SPDYE4: variants seen among roughly 807,000 people sequenced by gnomAD.
SPDYE4 encodes the protein speedy/RINGO cell cycle regulator family member E4, also known as speedy protein E4.
Under a neutral mutation model 37.5 loss-of-function variants are expected in SPDYE4, and 30 were observed. The ratio of observed to expected loss-of-function variants is 0.80; its 90% CI spans 0.60 to 1.09. The LOEUF is 1.09. Ranked by LOEUF, SPDYE4 falls within the 50% of genes least tolerant of loss-of-function variation. The probability of loss-of-function intolerance (pLI) is 0.00; values close to 1 mark genes in which losing one functional copy is unlikely to be tolerated. For missense variants in SPDYE4, 300 were observed against 307.9 expected, an observed-to-expected ratio of 0.97 and a Z score of 0.19; for synonymous variants, 131 against 120.3, an observed-to-expected ratio of 1.09 and a Z score of -0.58.
chr17:8,753,281 A>ACCCCCCC, intron 5 of SPDYE4, 40 bp downstream of exon 5: 1 of 388,114 alleles, frequency 2.6e-6, no homozygotes. Flanking sequence ...AGTCCACCCC[A>ACCCCCCC]TCCCTCCCCA....
downstream of SPDYE4, among the ~76,000 whole-genome samples, chr17:8,749,517 C>T (rs565357608): frequency 1.3e-5 from 2 of 152,194 alleles, no homozygotes; most frequent in African/African-American, 2.4e-5. Flanking sequence ...CTGCCCACCT[C>T]GGCCTCCCAA....
At chr17:8,754,039 C>G (rs2086752257) in intron 4 of SPDYE4, among the ~76,000 whole-genome samples, 1 of 152,142 alleles carries the variant, frequency 6.6e-6, no homozygotes, top group Non-Finnish European at 1.5e-5. Context: ...CAAAAGGCCA[C>G]TAGAGGGCTT....
chr17:8,755,519 CAG>C lies in SPDYE4; in HGVS notation c.484_485del (p.Tyr163ProfsTer4). 6.2e-7 allele frequency: 1 copy of C among 1,611,272 alleles called. No individual in the cohort carries two copies. Among genetic ancestry groups the C allele is most frequent in the Non-Finnish European group, 8.5e-7 (1 of 1,179,324 alleles). ...CAGATGGGAAGAAGCAAACTACTCA[CAG>C]AGCCAGGAAGAAATGAATGCGTTGG... is the stretch of plus-strand genomic sequence containing the variant. ...QYQRIHFFLA[L>X]YLASDMEEDN... On this transcript the variant is annotated frameshift_variant and splice_region_variant, in exon 4 of 7. Coordinates refer to ENST00000689094, the MANE Select transcript of SPDYE4 (RefSeq NM_001394956.1). LOFTEE classifies it high-confidence loss of function.
In SPDYE4 at chr17:8,751,120, ACTCTAGGTCATAACAGT is replaced by A. The variant is rs2086725562; in HGVS notation, c.*1145_*1161del. On this transcript the variant is annotated 3_prime_UTR_variant, in exon 7 of 7. Coordinates refer to ENST00000689094, the MANE Select transcript of SPDYE4 (RefSeq NM_001394956.1). ...AATAGAATAGATATATTATGTAACT[ACTCTAGGTCATAACAGT>A]GCTCCCTTCAGCAGCACATGTAATA... Among the ~76,000 whole-genome samples, 1 of 152,226 alleles carries A rather than the reference ACTCTAGGTCATAACAGT, an allele frequency of 6.6e-6. No individual in the cohort carries two copies. Among genetic ancestry groups the A allele is most frequent in the Admixed American group, 6.5e-5 (1 of 15,286 alleles).
rs866275274 is a variant in SPDYE4, at chr17:8,751,262, A to G, written c.*1020T>C. Among the ~76,000 whole-genome samples the G allele has an allele frequency of 7.9e-5, 12 of 152,214 alleles. No individual in the cohort carries two copies. The highest frequency in any genetic ancestry group is 1.3e-4 in the Non-Finnish European group (9 of 68,034). On this transcript the variant is annotated 3_prime_UTR_variant, in exon 7 of 7. Coordinates refer to ENST00000689094, the MANE Select transcript of SPDYE4 (RefSeq NM_001394956.1). ...TCTATGTGTATATAACAGGTGTAACACCCATCACACAACTTCATAAGAACA... is the reference window on the plus strand; with the variant it reads ...TCTATGTGTATATAACAGGTGTAACGCCCATCACACAACTTCATAAGAACA...
Position 8,758,300 on chromosome 17 carries a change from A to G in SPDYE4, c.83T>C (p.Val28Ala), listed in dbSNP as rs2086791643. Residue 28 changes from valine (V) to alanine (A), a missense_variant, in exon 1 of 7, where the codon GTG becomes GCG. Transcript: ENST00000689094. ...STTVRSPEVV[V>A]DDEVPGPSAP... The stretch of plus-strand genomic sequence containing the variant: ...TGATGGTCCTGGCACTTCATCATCC[A>G]CCACCACCTCGGGGGACCGTACCGT... 1 of 1,546,056 alleles carries G rather than the reference A, an allele frequency of 6.5e-7. No individual in the cohort carries two copies. Among genetic ancestry groups the G allele is most frequent in the Non-Finnish European group, 8.7e-7 (1 of 1,144,656 alleles).
chr17:8,755,456 T>A (rs1360324704), intron 4 of SPDYE4, 64 bp downstream of exon 4: 1 of 1,544,358 alleles, frequency 6.5e-7, no homozygotes, highest in African/African-American at 1.4e-5. Context: ...AAGGTTGGAA[T>A]CCCACTTCGT....
chr17:8,753,275 C>G (rs761629081), intron 5 of SPDYE4, 46 bp downstream of exon 5: 4 of 1,559,014 alleles, frequency 2.6e-6, no homozygotes, highest in Non-Finnish European at 3.5e-6. Context: ...GCCTCCAGTC[C>G]ACCCCATCCC....
intron 1 of SPDYE4, among the ~76,000 whole-genome samples, chr17:8,758,019 G>T (rs1293525532): frequency 6.6e-6 from 1 of 152,044 alleles, no homozygotes; most frequent in African/African-American, 2.4e-5. Context: ...CTGACCTCGT[G>T]ATCCGTCCGC....
At chr17:8,756,097 G>T (rs547238405) in intron 3 of SPDYE4, among the ~76,000 whole-genome samples, 1 of 152,132 alleles carries the variant, frequency 6.6e-6, no homozygotes, top group East Asian at 1.9e-4. Context: ...CTCACGCCTG[G>T]AGTCCCAGCT....
At chr17:8,754,791 C>T (rs896012692) in intron 4 of SPDYE4, among the ~76,000 whole-genome samples, 1 of 152,126 alleles carries the variant, frequency 6.6e-6, no homozygotes. Context: ...AGGAATGGGT[C>T]ATTCCCTTCA....
In SPDYE4 at chr17:8,755,568, G is replaced by C. The variant is rs745594798; in HGVS notation, c.437C>G (p.Ala146Gly). 1.9e-6 allele frequency: 3 copies of C among 1,612,406 alleles called. No individual in the cohort carries two copies. Among genetic ancestry groups the C allele is most frequent in the Non-Finnish European group, 2.5e-6 (3 of 1,179,574 alleles). Residue 146 changes from alanine (A) to glycine (G), a missense_variant, in exon 4 of 7, where the codon GCC becomes GGC. Ala to Gly is a moderately conservative substitution (Grantham distance 60, BLOSUM62 0). Coordinates refer to ENST00000689094, the MANE Select transcript of SPDYE4 (RefSeq NM_001394956.1). Reference protein sequence around the residue: ...LAMVIAYFSRAGLFSWQYQRI... With the variant: ...LAMVIAYFSRGGLFSWQYQRI... ...TTGGTATTGCCACGAGAAGAGGCCG[G>C]CACGGCTAAAATACGCTATGACCAT...
In SPDYE4 at chr17:8,756,148, G is replaced by A. The variant is rs183556478; in HGVS notation, c.399+230C>T. 6.6e-3 allele frequency among the ~76,000 whole-genome samples: 1,002 copies of A among 152,282 alleles called. 7 individuals carry two copies. The highest frequency in any genetic ancestry group is 0.065 in the Middle Eastern group (19 of 294). On this transcript the variant is annotated intron_variant, in intron 3 of 6. Coordinates refer to ENST00000689094, the MANE Select transcript of SPDYE4 (RefSeq NM_001394956.1). ...GCGGGAGGATCACTTGAGCCCAGGAGGCTGAGGCTGCAGTGAGCTATGATG... is the reference window on the plus strand; with the variant it reads ...GCGGGAGGATCACTTGAGCCCAGGAAGCTGAGGCTGCAGTGAGCTATGATG...
Position 8,753,618 on chromosome 17 carries a change from C to T in SPDYE4, c.486-129G>A, listed in dbSNP as rs201401384. 3.8e-4 allele frequency: 430 copies of T among 1,128,100 alleles called. 2 individuals are homozygous for T. In the East Asian group the frequency reaches 9.8e-3, roughly 26 times the overall value. 69.9% of individuals were successfully genotyped at this position (1,128,100 alleles called of 1,614,324 possible). ...CACCAACAGCCGCCCTGCAGAGAGC[C>T]CTGCCTTCCTCAGGAGGCCCCGCTG... is the stretch of plus-strand genomic sequence containing the variant. On this transcript the variant is annotated intron_variant, in intron 4 of 6. Transcript: ENST00000689094.
At chr17:8,758,005 T>C (rs1416674176) in intron 1 of SPDYE4, among the ~76,000 whole-genome samples, 1 of 152,016 alleles carries the variant, frequency 6.6e-6, no homozygotes, top group Non-Finnish European at 1.5e-5. Flanking sequence ...ATGGTCTCGA[T>C]CTTCTGACCT....
In SPDYE4 at chr17:8,758,515, G is replaced by A; in HGVS notation, c.-133C>T. The A allele has an allele frequency of 1.2e-6, 1 of 807,066 alleles. No homozygotes were observed. Among genetic ancestry groups the A allele is most frequent in the Non-Finnish European group, 2.0e-6 (1 of 503,844 alleles). 50.0% of individuals were successfully genotyped at this position (807,066 alleles called of 1,614,324 possible). A position where few individuals can be genotyped will look rare whatever the true frequency, so the allele number is the denominator to read the frequency against. On this transcript the variant is annotated 5_prime_UTR_variant, in exon 1 of 7. Transcript: ENST00000689094. Reference sequence around the variant, plus strand: ...AGGCTCGGGAGAAGTTAGGAGTGAAGAGTAGTTCTGAGAAGTTGCTGTTGT... The same window carrying A: ...AGGCTCGGGAGAAGTTAGGAGTGAAAAGTAGTTCTGAGAAGTTGCTGTTGT...
downstream of SPDYE4, among the ~76,000 whole-genome samples, chr17:8,749,890 C>T (rs1283124028): frequency 4.6e-5 from 7 of 152,224 alleles, no homozygotes; most frequent in South Asian, 2.1e-4. Flanking sequence ...TAATCTGTAA[C>T]AATAGCTTCA....
chr17:8,753,404 G>A lies in SPDYE4; in HGVS notation c.571C>T (p.Arg191Ter), dbSNP rs769602268. The change falls in exon 5 of 7, where the codon CGA becomes TGA. Residue 191 changes from arginine (R) to a stop codon, truncating the protein, a stop_gained. Transcript: ENST00000689094. LOFTEE classifies it high-confidence loss of function. ...TATCGAAGCTTATGGAACAAGGGTC[G>A]CTGGGAGTAGTTCTTCCCGTAGAGG... ...SFLYGKNYSQRPLFHKLRYQL... is the reference protein window; with the variant it reads ...SFLYGKNYSQ 1.5e-5 allele frequency: 24 copies of A among 1,601,382 alleles called. No individual in the cohort carries two copies. The highest frequency in any genetic ancestry group is 4.5e-5 in the East Asian group (2 of 44,552).
At chr17:8,747,956 T>C (rs1254954789), downstream of SPDYE4, among the ~76,000 whole-genome samples, 2 of 152,130 alleles carry the variant, frequency 1.3e-5, no homozygotes, top group Non-Finnish European at 2.9e-5. Context: ...ACTTCTTACA[T>C]GGTGGTGGCA....
Sources: allele counts gnomAD v4.1 joint callset (sites outside exome capture counted in the v4.1 genomes callset), GRCh38; gene constraint gnomAD v4.1.1; transcripts MANE v1.5; gene names NCBI Gene and HGNC (gene_info 2026-07-23, HGNC 2026-07-21).